GNAT2: variants seen among roughly 807,000 people sequenced by gnomAD.
GNAT2 encodes G protein subunit alpha transducin 2, also known as guanine nucleotide-binding protein G(t) subunit alpha-2.
A neutral mutation model predicts 40.9 loss-of-function variants in GNAT2; 32 were observed. The ratio of observed to expected loss-of-function variants is 0.78; its 90% CI spans 0.59 to 1.05. GNAT2 has a LOEUF of 1.05. GNAT2 is among the 50% of genes least tolerant of loss of function. The pLI is 0.00. For missense variants in GNAT2, 355 were observed against 431.5 expected, an observed-to-expected ratio of 0.82 and a Z score of 1.57; for synonymous variants, 141 against 157.2, an observed-to-expected ratio of 0.90 and a Z score of 0.77.
intron 1 of GNAT2, chr1:109,617,250 A>T (rs1456966301): frequency 6.6e-6 from 1 of 152,212 alleles, no homozygotes; most frequent in African/African-American, 2.4e-5. Context: ...CTAGCTAGGG[A>T]GGCGGACATC....
intron 1 of GNAT2, chr1:109,615,620 A>AGAAAG (rs373024187): frequency 0.064 from 8,138 of 126,850 alleles, 795 homozygotes; most frequent in African/African-American, 0.22. Flanking sequence ...AAAAAAAAAA[A>AGAAAG]AAAAGAAAAG....
At chr1:109,610,840 T>G in intron 2 of GNAT2, 1 of 414,768 alleles carries the variant, frequency 2.4e-6, no homozygotes, top group South Asian at 2.3e-5. Context: ...CATTTCCAAA[T>G]GACCACTGGC....
intron 8 of GNAT2, 37 bp downstream of exon 8, chr1:109,603,914 A>G: frequency 6.8e-7 from 1 of 1,460,252 alleles, no homozygotes; most frequent in Non-Finnish European, 9.6e-7. Flanking sequence ...GTCTCTACTA[A>G]AAGGCATTAT....
At chr1:109,605,635 G>A in intron 7 of GNAT2, 1 of 361,560 alleles carries the variant, frequency 2.8e-6, no homozygotes, top group South Asian at 2.2e-5. Context: ...ATTTGGGAGA[G>A]TACTAAGTGT....
intron 1 of GNAT2, chr1:109,618,219 T>C (rs904512760): frequency 2.0e-5 from 3 of 152,274 alleles, no homozygotes; most frequent in African/African-American, 7.2e-5. Flanking sequence ...TACCCATGTA[T>C]ATCACATAAG....
chr1:109,608,869 A>AATGATTTCCAT, intron 4 of GNAT2, 81 bp from the exon 5 acceptor site: 2 of 1,031,446 alleles, frequency 1.9e-6, no homozygotes, highest in Non-Finnish European at 3.0e-6. Context: ...CTGAATGGAA[A>AATGATTTCCAT]TCATTTTACA....
intron 1 of GNAT2, chr1:109,613,312 A>T: frequency 3.7e-6 from 1 of 269,136 alleles, no homozygotes; most frequent in Non-Finnish European, 7.3e-6. Context: ...ATAGAGCTAG[A>T]GATTACTGGC....
chr1:109,606,802 AT>A, intron 5 of GNAT2: 1 of 301,138 alleles, frequency 3.3e-6, no homozygotes, highest in Non-Finnish European at 6.5e-6. Flanking sequence ...ACATGAACCA[AT>A]GCAACACATG....
chr1:109,605,630 G>T, intron 7 of GNAT2: 3 of 342,528 alleles, frequency 8.8e-6, no homozygotes, highest in South Asian at 2.4e-5. Flanking sequence ...AGGCAATTTG[G>T]GAGAGTACTA....
chr1:109,605,449 A>G (rs1327798327), intron 7 of GNAT2: 1 of 199,370 alleles, frequency 5.0e-6, no homozygotes, highest in Non-Finnish European at 1.0e-5. Flanking sequence ...CCAGCTGCCA[A>G]TTTAATTGGC....
chr1:109,603,425 CATT>C lies in GNAT2; in HGVS notation c.991_993del (p.Asn331del). On this transcript the variant is annotated inframe_deletion, in exon 9 of 9. Coordinates refer to ENST00000679935, the MANE Select transcript of GNAT2 (RefSeq NM_001377295.2). ...GTAACTGCATCAAACACAAATTTGA[CATT>C]CTGTGTATCTGTAGCACAGGTCATG... 6.9e-6 allele frequency: 11 copies of C among 1,601,656 alleles called. No homozygotes were observed. The highest frequency in any genetic ancestry group is 9.4e-6 in the Non-Finnish European group (11 of 1,168,654).
rs2101128604 is a variant in GNAT2 at position 109,610,497 on chromosome 1, C to T, written c.129G>A (p.Glu43=). 1.2e-6 allele frequency: 2 copies of T among 1,613,886 alleles called. No individual in the cohort carries two copies. Among genetic ancestry groups the T allele is most frequent in the South Asian group, 1.1e-5 (1 of 91,070 alleles). The part of the protein sequence containing the change: ...TVKLLLLGAG[E]SGKSTIVKQM... ...GTTTGACGATGGTGCTCTTTCCTGA[C>T]TCCCCAGCACCTGGAAGGAAAAATG... Residue 43 remains glutamate (E), a synonymous_variant, in exon 3 of 9, where the codon GAG becomes GAA. Coordinates refer to ENST00000679935, the MANE Select transcript of GNAT2 (RefSeq NM_001377295.2).
rs1557918892 is a variant in GNAT2, at chr1:109,606,394, G to T, written c.504C>A (p.Leu168=). Reference sequence around the variant, plus strand: ...ATCGGAGCACATCTTGCTCACTAGGGAGGTACTCAGGGTCTGTAATTCGTT... The same window carrying T: ...ATCGGAGCACATCTTGCTCACTAGGTAGGTACTCAGGGTCTGTAATTCGTT... The part of the protein sequence containing the change: ...QLERITDPEY[L]PSEQDVLRSR... Residue 168 remains leucine (L), a synonymous_variant, in exon 6 of 9, where the codon CTC becomes CTA. Transcript: ENST00000679935. 6.2e-7 allele frequency: 1 copy of T among 1,611,164 alleles called. No homozygotes were observed. The highest frequency in any genetic ancestry group is 1.1e-5 in the South Asian group (1 of 91,034).
rs1335618184 is a variant in GNAT2, at chr1:109,606,296, C to T, written c.590+12G>A. The T allele has an allele frequency of 6.2e-7, 1 of 1,613,578 alleles. No homozygotes were observed. Among genetic ancestry groups the T allele is most frequent in the Non-Finnish European group, 8.5e-7 (1 of 1,179,522 alleles). On this transcript the variant is annotated intron_variant, in intron 6 of 8. Coordinates refer to ENST00000679935, the MANE Select transcript of GNAT2 (RefSeq NM_001377295.2). ...CGTGTATCCGAGATGCCCTAGGGAA[C>T]CATGCACTTACCTGAAATTCAAGTC...
chr1:109,606,940 C>G, intron 5 of GNAT2: 1 of 165,968 alleles, frequency 6.0e-6, no homozygotes, highest in Non-Finnish European at 1.3e-5. Context: ...TGATTATATT[C>G]TTTTTATAAA....
chr1:109,614,641 T>C (rs1649899011), intron 1 of GNAT2: 1 of 152,210 alleles, frequency 6.6e-6, no homozygotes, highest in Non-Finnish European at 1.5e-5. Context: ...GGAGAACTAC[T>C]GAGGTCGAAG....
chr1:109,606,143 G>A (rs754223305), intron 6 of GNAT2, 44 bp from the exon 7 acceptor site: 24 of 1,609,220 alleles, frequency 1.5e-5, no homozygotes, highest in East Asian at 1.1e-4. Flanking sequence ...CCCAACATAC[G>A]ACCTATATGC....
chr1:109,605,883 T>C (rs1649576078), intron 7 of GNAT2, 87 bp downstream of exon 7: 10 of 1,179,340 alleles, frequency 8.5e-6, no homozygotes, highest in Non-Finnish European at 1.3e-5. Context: ...TTACCTAAGT[T>C]GGGGCAGTAG....
intron 1 of GNAT2, chr1:109,617,592 C>T (rs987207544): frequency 6.6e-5 from 10 of 152,048 alleles, no homozygotes; most frequent in African/African-American, 9.7e-5. Flanking sequence ...TAATCAGGGC[C>T]GACTTCCTAG....
Sources: allele counts gnomAD v4.1 joint callset, GRCh38; gene constraint gnomAD v4.1.1; transcripts MANE v1.5; gene names NCBI Gene and HGNC (gene_info 2026-07-23, HGNC 2026-07-21).